Variants in MYO1B observed in about 807,000 individuals in gnomAD.
MYO1B encodes the protein myosin IB.
In MYO1B, 72 loss-of-function variants were observed where a neutral mutation model predicts 159.7. The observed-to-expected ratio is 0.45, with a 90% confidence interval of 0.37 to 0.55. MYO1B has a LOEUF of 0.55. Among genes scored for constraint, MYO1B ranks in the 20% least tolerant of loss-of-function variants. The probability of loss-of-function intolerance (pLI) is 0.00; values close to 1 mark genes in which losing one functional copy is unlikely to be tolerated. For missense variants in MYO1B, 1,062 were observed against 1,364.8 expected (o/e 0.78, Z 3.50); for synonymous variants, 468 against 473.8 (o/e 0.99, Z 0.16).
chr2:191,363,149 G>A (rs1035654520), intron 9 of MYO1B, among the ~76,000 whole-genome samples: 3 of 152,196 alleles, frequency 2.0e-5, no homozygotes, highest in Non-Finnish European at 4.4e-5. Flanking sequence ...TTAAAAAACT[G>A]TATAAACATC....
At chr2:191,293,223 A>G (rs982640002) in intron 2 of MYO1B, among the ~76,000 whole-genome samples, 4 of 152,218 alleles carry the variant, frequency 2.6e-5, no homozygotes, top group Non-Finnish European at 5.9e-5. Flanking sequence ...AGGAGTGGAG[A>G]AAAAAACTCT....
intron 3 of MYO1B, among the ~76,000 whole-genome samples, chr2:191,298,703 A>G (rs184851219): frequency 1.3e-5 from 2 of 152,366 alleles, no homozygotes; most frequent in Non-Finnish European, 2.9e-5. Context: ...ATATTTTATT[A>G]AGTACTTACT....
Position 191,363,881 on chromosome 2 carries a change from T to A in MYO1B, c.913+6T>A, listed in dbSNP as rs1308682634. 1 of 1,612,354 alleles carries A rather than the reference T, an allele frequency of 6.2e-7. No homozygotes were observed. The highest frequency in any genetic ancestry group is 8.5e-7 in the Non-Finnish European group (1 of 1,178,914). On this transcript the variant is annotated splice_donor_region_variant and intron_variant, in intron 10 of 30. Coordinates refer to ENST00000392318, the MANE Select transcript of MYO1B (RefSeq NM_001130158.3). ...CAAAATCAAAGATAAAAATGGTACA[T>A]CCGTGGAGAATCAACTTTGTTTGTT...
At chr2:191,408,376 T>A (rs188036727) in intron 25 of MYO1B, among the ~76,000 whole-genome samples, 187 bp downstream of exon 25, 4 of 152,346 alleles carry the variant, frequency 2.6e-5, no homozygotes, top group Admixed American at 2.6e-4. Flanking sequence ...TCTGGTAGAA[T>A]TGTGTCAGAA....
chr2:191,361,736 C>T (rs1167273957), intron 8 of MYO1B, among the ~76,000 whole-genome samples: 2 of 148,506 alleles, frequency 1.3e-5, no homozygotes, highest in Non-Finnish European at 3.0e-5. Context: ...TGTAGAGCTG[C>T]GGGTGTTACT....
chr2:191,408,956 G>T (rs1697094267), intron 25 of MYO1B, 88 bp from the exon 26 acceptor site: 3 of 1,356,580 alleles, frequency 2.2e-6, no homozygotes, highest in Non-Finnish European at 3.0e-6. Flanking sequence ...TTCTACTATT[G>T]TCTCGTTTAT....
At chr2:191,265,811 GT>G (rs1283320824) in intron 1 of MYO1B, among the ~76,000 whole-genome samples, 3 of 152,162 alleles carry the variant, frequency 2.0e-5, no homozygotes, top group African/African-American at 7.2e-5. Flanking sequence ...TGGCTGCCTC[GT>G]CCCTCAGGAA....
chr2:191,246,831 C>G (rs1685820304), intron 1 of MYO1B, among the ~76,000 whole-genome samples: 1 of 152,196 alleles, frequency 6.6e-6, no homozygotes, highest in African/African-American at 2.4e-5. Context: ...AACCCTTTTA[C>G]AGTCTGTCCC....
chr2:191,361,418 C>T (rs1480375295), intron 8 of MYO1B, among the ~76,000 whole-genome samples: 2 of 151,888 alleles, frequency 1.3e-5, no homozygotes, highest in African/African-American at 4.8e-5. Context: ...TAACATAATT[C>T]CACAAAGATA....
At chr2:191,268,095 GT>G (rs549973557) in intron 1 of MYO1B, among the ~76,000 whole-genome samples, 74 of 152,334 alleles carry the variant, frequency 4.9e-4, no homozygotes, top group African/African-American at 1.7e-3. Flanking sequence ...ACTCACAATT[GT>G]GAGGGAAGGG....
At chr2:191,410,948 A>G (rs778050885) in intron 26 of MYO1B, 118 bp from the exon 27 acceptor site, 28 of 597,898 alleles carry the variant, frequency 4.7e-5, no homozygotes, top group Non-Finnish European at 5.0e-5. Flanking sequence ...TTTTTAGTGA[A>G]TGTTTTGTAC....
At chr2:191,282,051 GT>G (rs1471175061) in intron 2 of MYO1B, among the ~76,000 whole-genome samples, 1 of 152,124 alleles carries the variant, frequency 6.6e-6, no homozygotes, top group Non-Finnish European at 1.5e-5. Context: ...TTAAAATATT[GT>G]AAAGTTAATG....
intron 21 of MYO1B, among the ~76,000 whole-genome samples, chr2:191,398,264 C>T (rs1415161613): frequency 5.5e-5 from 4 of 72,718 alleles, no homozygotes; most frequent in African/African-American, 1.0e-4. Context: ...CCTCCCCCCT[C>T]CCGGACGGGG....
intron 9 of MYO1B, 27 bp from the exon 10 acceptor site, chr2:191,363,701 T>C (rs756745973): frequency 9.6e-6 from 15 of 1,568,544 alleles, no homozygotes; most frequent in Non-Finnish European, 1.3e-5. Flanking sequence ...AAGAAAAAAA[T>C]AGTTGCTTTT....
rs1559227997 is a variant in MYO1B, at chr2:191,392,098, A to C, written c.1983-10A>C. ...CAGAAAACTCACTGTTTTTATTTTT[A>C]TTTTTTTAGGTCTGGTGTGGAGGTC... On this transcript the variant is annotated splice_polypyrimidine_tract_variant and intron_variant, in intron 18 of 30. Coordinates refer to ENST00000392318, the MANE Select transcript of MYO1B (RefSeq NM_001130158.3). 2 of 1,580,920 alleles carry C rather than the reference A, an allele frequency of 1.3e-6. No homozygotes were observed. The highest frequency in any genetic ancestry group is 3.4e-5 in the Admixed American group (2 of 58,794).
At chr2:191,297,839 G>A (rs1279064107) in intron 3 of MYO1B, among the ~76,000 whole-genome samples, 1 of 152,154 alleles carries the variant, frequency 6.6e-6, no homozygotes, top group Admixed American at 6.5e-5. Flanking sequence ...TTGTGAAACT[G>A]GGGGTAGGAG....
At chr2:191,276,089 C>T (rs575582871) in intron 1 of MYO1B, among the ~76,000 whole-genome samples, 6 of 152,204 alleles carry the variant, frequency 3.9e-5, no homozygotes, top group East Asian at 1.9e-4. Context: ...CTGTTTACTG[C>T]GTGTTAATTT....
At chr2:191,333,307 A>T (rs2125926252) in intron 4 of MYO1B, among the ~76,000 whole-genome samples, 1 of 152,270 alleles carries the variant, frequency 6.6e-6, no homozygotes, top group East Asian at 1.9e-4. Context: ...TTGGGGTCTA[A>T]CATGCATCTC....
At chr2:191,340,477 A>G (rs1692144780) in intron 4 of MYO1B, among the ~76,000 whole-genome samples, 1 of 152,158 alleles carries the variant, frequency 6.6e-6, no homozygotes, top group Non-Finnish European at 1.5e-5. Context: ...GAAGGGATAA[A>G]ACCACCAAAG....
Sources: gnomAD v4.1 joint callset for allele counts (sites outside exome capture counted in the v4.1 genomes callset) on GRCh38, gnomAD v4.1.1 for gene constraint, MANE v1.5 for transcripts, NCBI Gene and HGNC (gene_info 2026-07-23, HGNC 2026-07-21) for gene names.